EPHB2: variants seen among roughly 807,000 people sequenced by gnomAD.
EPHB2 encodes the protein ephrin type-B receptor 2.
EPHB2 carries 18 observed loss-of-function variants against 96.4 expected under a neutral mutation model. The observed-to-expected ratio is 0.19, with a 90% CI of 0.13 to 0.28. The LOEUF is 0.28. EPHB2 is among the 10% of genes least tolerant of loss of function. The pLI is 1.00. For missense variants in EPHB2, 989 were observed against 1,355.4 expected (o/e 0.73, Z 4.25); for synonymous variants, 506 against 534.1 (o/e 0.95, Z 0.72).
In EPHB2 at chr1:22,882,593, C is replaced by T. The variant is rs1018363126; in HGVS notation, c.1428+110C>T. 5.6e-5 allele frequency: 87 copies of T among 1,542,684 alleles called. No individual in the cohort carries two copies. The African/African-American group carries it at 1.1e-3, about 20-fold the overall frequency. ...CGCAAGATGAGACGCACTGGTGCAGCAGAAAGAGCACTGGCCTTGGAGTCA... is the reference window on the plus strand; with the variant it reads ...CGCAAGATGAGACGCACTGGTGCAGTAGAAAGAGCACTGGCCTTGGAGTCA... On this transcript the variant is annotated intron_variant, in intron 6 of 15. Coordinates refer to ENST00000374630, the MANE Select transcript of EPHB2 (RefSeq NM_017449.5).
chr1:22,915,443 GCCCA>G lies in EPHB2; in HGVS notation c.*1874_*1877del, dbSNP rs1395163586. The stretch of plus-strand genomic sequence containing the variant: ...CCTTCCTCCCTCAGGCTTCCAGAAA[GCCCA>G]GGGCAGAGAAAACACATGGAGAACG... On this transcript the variant is annotated 3_prime_UTR_variant, in exon 16 of 16. Coordinates refer to ENST00000374630, the MANE Select transcript of EPHB2 (RefSeq NM_017449.5). 3 of 152,216 alleles carry G rather than the reference GCCCA, an allele frequency of 2.0e-5. No individual in the cohort carries two copies. Among genetic ancestry groups the G allele is most frequent in the Middle Eastern group, 3.2e-3 (1 of 316 alleles). The allele number at this position is 152,216 out of a possible 1,614,324, so 9.4% of individuals were successfully genotyped here.
intron 5 of EPHB2, among the ~76,000 whole-genome samples, chr1:22,881,647 T>G (rs560511189): frequency 6.6e-6 from 1 of 152,236 alleles, no homozygotes; most frequent in East Asian, 1.9e-4. Context: ...CAGGCTGGAG[T>G]GCAATGGCAT....
intron 3 of EPHB2, among the ~76,000 whole-genome samples, chr1:22,840,062 C>T (rs1419937728): frequency 2.6e-5 from 4 of 152,052 alleles, no homozygotes; most frequent in Middle Eastern, 3.4e-3. Flanking sequence ...AAATCTTGGA[C>T]GGATATGTGG....
At chr1:22,809,356 G>A (rs938019080) in intron 3 of EPHB2, among the ~76,000 whole-genome samples, 1 of 152,236 alleles carries the variant, frequency 6.6e-6, no homozygotes, top group Non-Finnish European at 1.5e-5. Flanking sequence ...TTGGGGTGCA[G>A]AGATGTCTAC....
intron 5 of EPHB2, among the ~76,000 whole-genome samples, chr1:22,866,148 A>G (rs904095448): frequency 3.3e-5 from 5 of 152,158 alleles, no homozygotes; most frequent in Admixed American, 6.5e-5. Flanking sequence ...ACATTATGCT[A>G]TCTGTGGGTA....
chr1:22,899,274 A>G (rs2124047620), intron 9 of EPHB2, among the ~76,000 whole-genome samples: 1 of 150,692 alleles, frequency 6.6e-6, no homozygotes, highest in South Asian at 2.1e-4. Context: ...GGCCAAGATG[A>G]GCGGATCACC....
At chr1:22,899,641 TA>T (rs1174536836) in intron 9 of EPHB2, among the ~76,000 whole-genome samples, 29 of 152,138 alleles carry the variant, frequency 1.9e-4, no homozygotes. Context: ...TGATAACTCC[TA>T]AGAAAAAGAT....
intron 1 of EPHB2, among the ~76,000 whole-genome samples, chr1:22,747,568 A>G (rs1301086595): frequency 6.6e-6 from 1 of 152,168 alleles, no homozygotes; most frequent in African/African-American, 2.4e-5. Flanking sequence ...TGACTCACCC[A>G]CCCAGCTGAG....
chr1:22,882,437 A>G lies in EPHB2; in HGVS notation c.1382A>G (p.Gln461Arg). Residue 461 changes from glutamine to arginine, a missense_variant, in exon 6 of 16, where the codon CAG becomes CGG. Gln to Arg is a conservative substitution (Grantham distance 43). Transcript: ENST00000374630. ...SITLSWSQPDQPNGVILDYEL... is the reference protein window; with the variant it reads ...SITLSWSQPDRPNGVILDYEL... Reference sequence around the variant, plus strand: ...ACCCTGTCGTGGTCCCAGCCGGACCAGCCCAATGGCGTGATCCTGGACTAT... The same window carrying G: ...ACCCTGTCGTGGTCCCAGCCGGACCGGCCCAATGGCGTGATCCTGGACTAT... 1 of 1,614,226 alleles carries G rather than the reference A, an allele frequency of 6.2e-7. No individual in the cohort carries two copies. Among genetic ancestry groups the G allele is most frequent in the African/African-American group, 1.3e-5 (1 of 75,084 alleles).
chr1:22,855,589 T>G (rs1645686757), intron 3 of EPHB2, among the ~76,000 whole-genome samples: 1 of 152,242 alleles, frequency 6.6e-6, no homozygotes, highest in Non-Finnish European at 1.5e-5. Context: ...GACCTGAACT[T>G]CTGAAGACAA....
chr1:22,781,426 C>A lies in EPHB2; in HGVS notation c.67C>A (p.Leu23Ile), dbSNP rs757765223. Residue 23 changes from leucine to isoleucine, a missense_variant, in exon 2 of 16, where the codon CTA (leucine) becomes ATA (isoleucine). Physicochemically the swap from Leu to Ile is conservative, Grantham distance 5 (BLOSUM62 2). Coordinates refer to ENST00000374630, the MANE Select transcript of EPHB2 (RefSeq NM_017449.5). ...ACTCTTTGCTCTCCCCACAGAAACG[C>A]TAATGGACTCCACTACAGCGACTGC... ...LPLLAAVEETLMDSTTATAEL... is the reference protein window; with the variant it reads ...LPLLAAVEETIMDSTTATAEL... The A allele has an allele frequency of 1.2e-6, 2 of 1,613,938 alleles. No homozygotes were observed. The highest frequency in any genetic ancestry group is 1.6e-4 in the Middle Eastern group (1 of 6,062).
chr1:22,817,824 C>T (rs746292126), intron 3 of EPHB2, among the ~76,000 whole-genome samples: 17 of 152,200 alleles, frequency 1.1e-4, no homozygotes, highest in Non-Finnish European at 4.4e-5. Flanking sequence ...CACTGCCCAT[C>T]GGCTAGGGGC....
At chr1:22,863,559 C>T (rs1040633071) in intron 4 of EPHB2, among the ~76,000 whole-genome samples, 1 of 152,226 alleles carries the variant, frequency 6.6e-6, no homozygotes, top group Non-Finnish European at 1.5e-5. Flanking sequence ...TGAATCACAG[C>T]CCAAGGTCCT....
chr1:22,780,821 G>T (rs1481050789), intron 1 of EPHB2, among the ~76,000 whole-genome samples: 1 of 152,178 alleles, frequency 6.6e-6, no homozygotes, highest in African/African-American at 2.4e-5. Context: ...TAGAGGTAGA[G>T]CCTGACCATG....
chr1:22,758,354 G>T (rs1353527597), intron 1 of EPHB2, among the ~76,000 whole-genome samples: 1 of 151,926 alleles, frequency 6.6e-6, no homozygotes, highest in African/African-American at 2.4e-5. Context: ...GGACCCAGAG[G>T]GTCCCTCCTA....
chr1:22,765,110 G>A (rs570326484), intron 1 of EPHB2, among the ~76,000 whole-genome samples: 35 of 152,230 alleles, frequency 2.3e-4, no homozygotes, highest in African/African-American at 6.5e-4. Context: ...GTGAGGAGCC[G>A]GACATTCTGG....
At chr1:22,862,986 C>CT in intron 3 of EPHB2, 51 bp from the exon 4 acceptor site, 1 of 1,613,646 alleles carries the variant, frequency 6.2e-7, no homozygotes, top group Non-Finnish European at 8.5e-7. Flanking sequence ...CTCGTGACCT[C>CT]TCTGAGTCTT....
rs1644671706 is a variant in EPHB2 at position 22,790,240 on chromosome 1, G to A, written c.811+5164G>A. On this transcript the variant is annotated intron_variant, in intron 3 of 15. Coordinates refer to ENST00000374630, the MANE Select transcript of EPHB2 (RefSeq NM_017449.5). This position sits in a 1 kb window ranked among gnomAD's most constrained non-coding sequence, Gnocchi z 4.0. ...CAAGGCATATTTGATGGGTAGAAAG[G>A]GCTTTGCAGTGTATAGGGATTAGGA... Among the ~76,000 whole-genome samples the A allele has an allele frequency of 6.6e-6, 1 of 152,092 alleles. No homozygotes were observed. The highest frequency in any genetic ancestry group is 2.4e-5 in the African/African-American group (1 of 41,410).
At chr1:22,737,122 G>A (rs199845919) in intron 1 of EPHB2, among the ~76,000 whole-genome samples, 4 of 152,100 alleles carry the variant, frequency 2.6e-5, no homozygotes, top group South Asian at 2.1e-4. Context: ...GAGCTAGCAC[G>A]GCCCTTTTTA....
Sources: allele counts gnomAD v4.1 joint callset (sites outside exome capture counted in the v4.1 genomes callset), GRCh38; gene constraint gnomAD v4.1.1; non-coding constraint Gnocchi (gnomAD v3.1); transcripts MANE v1.5; gene names NCBI Gene and HGNC (gene_info 2026-07-23, HGNC 2026-07-21).